ANO3: variants seen among roughly 807,000 people sequenced by gnomAD.
The protein encoded by ANO3 is anoctamin-3.
In ANO3, 99 loss-of-function variants were observed where a neutral mutation model predicts 144.8. The observed-to-expected ratio is 0.68, with a 90% CI of 0.58 to 0.81. The LOEUF (loss-of-function observed/expected upper bound fraction) is 0.81. ANO3 is among the 30% of genes least tolerant of loss of function. The pLI is 0.00. For synonymous variants in ANO3, 414 were observed against 392.6 expected (o/e 1.05, Z -0.64); for missense variants, 905 against 1,202.2 (o/e 0.75, Z 3.66).
chr11:26,347,941 C>A (rs568532908), intron 1 of ANO3, among the ~76,000 whole-genome samples: 1 of 152,264 alleles, frequency 6.6e-6, no homozygotes, highest in South Asian at 2.1e-4. Flanking sequence ...TATGATTGAT[C>A]AGTAATCCTC....
At chr11:26,406,229 T>C (rs1417029813) in intron 1 of ANO3, among the ~76,000 whole-genome samples, 2 of 151,902 alleles carry the variant, frequency 1.3e-5, no homozygotes, top group East Asian at 3.9e-4. Flanking sequence ...TGCCCTCACT[T>C]AGCAGAAGAG....
rs531814888 is a variant in ANO3 at position 26,225,577 on chromosome 11, C to T, written c.154+36247C>T. On this transcript the variant is annotated intron_variant, in intron 1 of 27. Coordinates refer to the ANO3 transcript ENST00000672621. Reference sequence around the variant, plus strand: ...GAATAGAAAGATAATTTATTATTGTCTCTATTATGCTTGGTTTGAGTTTCT... The same window carrying T: ...GAATAGAAAGATAATTTATTATTGTTTCTATTATGCTTGGTTTGAGTTTCT... Among the ~76,000 whole-genome samples, 17 of 151,958 alleles carry T rather than the reference C, an allele frequency of 1.1e-4. No homozygotes were observed. In the South Asian group the frequency reaches 1.2e-3, roughly 11 times the overall value.
intron 1 of ANO3, among the ~76,000 whole-genome samples, chr11:26,303,967 C>T (rs1405484291): frequency 1.3e-5 from 2 of 152,140 alleles, no homozygotes; most frequent in African/African-American, 4.8e-5. Flanking sequence ...CCTGCCTCAG[C>T]CTCCCAAAGT....
In ANO3 at chr11:26,336,950, C is replaced by T. The variant is rs368468099; in HGVS notation, c.46+4629C>T. Among the ~76,000 whole-genome samples, 159 of 152,196 alleles carry T rather than the reference C, an allele frequency of 1.0e-3. 5 individuals are homozygous for T. In the South Asian group the frequency reaches 0.032, roughly 31 times the overall value. ...GAGTTATACTTTTCTTAGGCTGGTA[C>T]TGAATATCAACCTGAATATTAGAAA... is the stretch of plus-strand genomic sequence containing the variant. On this transcript the variant is annotated intron_variant, in intron 1 of 26. Coordinates refer to ENST00000256737, the MANE Select transcript of ANO3 (RefSeq NM_031418.4).
chr11:26,536,999 C>T (rs1181938408), intron 9 of ANO3, among the ~76,000 whole-genome samples: 1 of 146,482 alleles, frequency 6.8e-6, no homozygotes, highest in Non-Finnish European at 1.5e-5. Context: ...ATACCAATAT[C>T]CTTTAAATTT....
Position 26,641,937 on chromosome 11 carries a change from G to A in ANO3, c.2183G>A (p.Gly728Glu). The change falls in exon 22 of 27, where the codon GGA (glycine) becomes GAA (glutamate). Residue 728 changes from glycine to glutamate, a missense_variant. Physicochemically the swap from Gly to Glu is moderately conservative, Grantham distance 98 (BLOSUM62 -2). Around this residue, in one of 4 missense-constraint regions of ANO3, gnomAD observed 597 missense variants for 865.1 expected, o/e 0.69. Coordinates refer to ENST00000256737, the MANE Select transcript of ANO3 (RefSeq NM_031418.4). ...NWWSRHKIKR[G>E]IHDASIPQWE... is the part of the protein sequence containing the mutation. ...TGGTCACGACATAAAATCAAGCGGG[G>A]AATACATGATGCTTCCATACCTCAG... The A allele has an allele frequency of 3.1e-6, 5 of 1,613,946 alleles. No homozygotes were observed. Among genetic ancestry groups the A allele is most frequent in the Non-Finnish European group, 4.2e-6 (5 of 1,179,974 alleles).
intron 1 of ANO3, among the ~76,000 whole-genome samples, chr11:26,300,305 T>C (rs2133862009): frequency 6.6e-6 from 1 of 152,170 alleles, no homozygotes; most frequent in South Asian, 2.1e-4. Flanking sequence ...CAAGTTGTTT[T>C]ACATCTTTCC....
rs144338759 is a variant in ANO3 at position 26,218,072 on chromosome 11, A to G, written c.154+28742A>G. On this transcript the variant is annotated intron_variant, in intron 1 of 27. Coordinates refer to the ANO3 transcript ENST00000672621. ...CCAGGAAAATCATAATAATTCTAAA[A>G]TGTATTTCTTTGTTTATTCATTTTC... Among the ~76,000 whole-genome samples, 6 of 152,248 alleles carry G rather than the reference A, an allele frequency of 3.9e-5. No individual in the cohort carries two copies. The East Asian group carries it at 9.7e-4, about 25-fold the overall frequency.
chr11:26,505,794 G>A (rs1267180761), intron 4 of ANO3, among the ~76,000 whole-genome samples: 1 of 151,764 alleles, frequency 6.6e-6, no homozygotes, highest in East Asian at 1.9e-4. Context: ...AACATGGTGA[G>A]ACCTCATGTC....
intron 24 of ANO3, among the ~76,000 whole-genome samples, chr11:26,654,827 ATTTG>A (rs138065726): frequency 0.064 from 9,798 of 152,156 alleles, 333 homozygotes; most frequent in Middle Eastern, 0.12. Flanking sequence ...TTTATAAAAC[ATTTG>A]TTTATTTATT....
At chr11:26,571,538 T>G (rs1271744929) in intron 14 of ANO3, among the ~76,000 whole-genome samples, 1 of 152,086 alleles carries the variant, frequency 6.6e-6, no homozygotes, top group African/African-American at 2.4e-5. Flanking sequence ...GAAAAAGATT[T>G]ATAGAAGCTT....
intron 1 of ANO3, among the ~76,000 whole-genome samples, chr11:26,261,541 C>T (rs1449247996): frequency 6.6e-6 from 1 of 152,172 alleles, no homozygotes. Flanking sequence ...CAGAGGCTTC[C>T]ATGAGTCTCG....
chr11:26,562,044 T>C (rs1288055340), intron 14 of ANO3, among the ~76,000 whole-genome samples: 1 of 151,908 alleles, frequency 6.6e-6, no homozygotes, highest in African/African-American at 2.4e-5. Flanking sequence ...AAAACAGTTG[T>C]TGTGGATTGA....
chr11:26,410,220 T>C (rs1377464477), intron 1 of ANO3, among the ~76,000 whole-genome samples: 1 of 151,956 alleles, frequency 6.6e-6, no homozygotes, highest in Non-Finnish European at 1.5e-5. Context: ...TTTTACAACA[T>C]AGTTGTGAAC....
chr11:26,480,956 A>C (rs1860191621), intron 4 of ANO3, among the ~76,000 whole-genome samples: 2 of 152,188 alleles, frequency 1.3e-5, no homozygotes, highest in African/African-American at 4.8e-5. Flanking sequence ...AAATTGTTTA[A>C]ATTTTCAGTA....
intron 12 of ANO3, among the ~76,000 whole-genome samples, chr11:26,548,736 A>C (rs1458665130): frequency 6.6e-6 from 1 of 151,964 alleles, no homozygotes; most frequent in African/African-American, 2.4e-5. Context: ...CATGAAAACA[A>C]AGAAACACCT....
At chr11:26,372,536 TATTA>T in intron 1 of ANO3, among the ~76,000 whole-genome samples, 1 of 152,268 alleles carries the variant, frequency 6.6e-6, no homozygotes, top group Non-Finnish European at 1.5e-5. Context: ...TAAATTTTCC[TATTA>T]ATTCATGCCT....
At chr11:26,249,926 T>C (rs937988082) in intron 1 of ANO3, among the ~76,000 whole-genome samples, 7 of 152,190 alleles carry the variant, frequency 4.6e-5, no homozygotes, top group Admixed American at 2.0e-4. Context: ...ATTATGGCTT[T>C]ACTCTCAATA....
At chr11:26,195,349 T>A (rs1235509068) in intron 1 of ANO3, among the ~76,000 whole-genome samples, 5 of 152,186 alleles carry the variant, frequency 3.3e-5, no homozygotes, top group African/African-American at 1.2e-4. Context: ...CAGTGGAAAT[T>A]GGAAAAGGAA....
Sources: allele counts gnomAD v4.1 joint callset (sites outside exome capture counted in the v4.1 genomes callset), GRCh38; gene constraint gnomAD v4.1.1; regional missense constraint gnomAD v4.1.1; transcripts MANE v1.5; gene names NCBI Gene and HGNC (gene_info 2026-07-23, HGNC 2026-07-21).